The following ROBO2 variants were observed in gnomAD, a reference collection of about 807,000 sequenced individuals.
ROBO2 encodes the protein roundabout guidance receptor 2, also known as roundabout homolog 2.
Under a neutral mutation model 160.8 loss-of-function variants are expected in ROBO2, and 53 were observed. The ratio of observed to expected loss-of-function variants is 0.33; its 90% CI spans 0.26 to 0.41. The LOEUF (loss-of-function observed/expected upper bound fraction) is 0.41. Among genes scored for constraint, ROBO2 ranks in the 10% least tolerant of loss-of-function variants. ROBO2 has a pLI of 1.00. For missense variants in ROBO2, 1,577 were observed against 1,722.4 expected, an observed-to-expected ratio of 0.92 and a Z score of 1.49; for synonymous variants, 664 against 611.7, an observed-to-expected ratio of 1.09 and a Z score of -1.26.
At chr3:76,690,993 G>A (rs948904170) in intron 2 of ROBO2, among the ~76,000 whole-genome samples, 2 of 152,068 alleles carry the variant, frequency 1.3e-5, no homozygotes, top group African/African-American at 4.8e-5. Flanking sequence ...GCTAAGTTGG[G>A]AGGATCACTT....
chr3:76,475,094 A>G (rs965394656), intron 2 of ROBO2, among the ~76,000 whole-genome samples: 2 of 150,926 alleles, frequency 1.3e-5, no homozygotes, highest in Non-Finnish European at 2.9e-5. Flanking sequence ...TAGCTAGTTG[A>G]CCATGTAATA....
chr3:76,111,126 G>A (rs981143915), intron 2 of ROBO2, among the ~76,000 whole-genome samples: 2 of 152,086 alleles, frequency 1.3e-5, no homozygotes, highest in East Asian at 3.9e-4. Context: ...GATCATGCTG[G>A]AGAAGGAGGG....
chr3:76,362,290 G>A (rs950172623), intron 2 of ROBO2, among the ~76,000 whole-genome samples: 2 of 152,008 alleles, frequency 1.3e-5, no homozygotes, highest in Non-Finnish European at 2.9e-5. Context: ...CTTGGGTCTG[G>A]GATGTTGAGG....
At chr3:77,439,798 C>T (rs1267379548) in intron 2 of ROBO2, among the ~76,000 whole-genome samples, 1 of 152,060 alleles carries the variant, frequency 6.6e-6, no homozygotes, top group Non-Finnish European at 1.5e-5. Flanking sequence ...CTGTGTTCTT[C>T]TTTTCTAGAT....
chr3:76,995,231 A>T (rs2060926970), intron 2 of ROBO2, among the ~76,000 whole-genome samples: 1 of 151,786 alleles, frequency 6.6e-6, no homozygotes, highest in African/African-American at 2.4e-5. Flanking sequence ...TAGTTTGCTG[A>T]GAATGATGGT....
intron 2 of ROBO2, among the ~76,000 whole-genome samples, chr3:77,340,795 T>A (rs1388497750): frequency 6.6e-6 from 1 of 152,108 alleles, no homozygotes; most frequent in African/African-American, 2.4e-5. Context: ...TACCCAGGTA[T>A]AAGAAAGCAT....
intron 2 of ROBO2, among the ~76,000 whole-genome samples, chr3:77,251,432 C>A (rs72893283): frequency 0.022 from 3,314 of 152,238 alleles, 120 homozygotes; most frequent in African/African-American, 0.074. Context: ...TGTGGTCTTG[C>A]AGGCACCTCT....
rs569892776 is a variant in ROBO2 at position 77,207,201 on chromosome 3, A to G, written c.388+108861A>G. ...TCACTTACCACTTATCTGCTTCTCT[A>G]ATCGTCTCTCTTATAAGAGATCTAA... On this transcript the variant is annotated intron_variant, in intron 2 of 25. Coordinates refer to ENST00000461745, the Ensembl canonical transcript of ROBO2. Among the ~76,000 whole-genome samples the G allele has an allele frequency of 3.3e-5, 5 of 152,272 alleles. No individual in the cohort carries two copies. In the South Asian group the frequency reaches 1.0e-3, roughly 32 times the overall value.
chr3:76,495,533 C>T (rs2080100419), intron 2 of ROBO2, among the ~76,000 whole-genome samples: 1 of 151,980 alleles, frequency 6.6e-6, no homozygotes, highest in Non-Finnish European at 1.5e-5. Flanking sequence ...AATCTTTCTC[C>T]ATTCTAGTAT....
At chr3:77,099,637 A>G (rs750073098) in intron 2 of ROBO2, among the ~76,000 whole-genome samples, 10 of 152,198 alleles carry the variant, frequency 6.6e-5, no homozygotes, top group Non-Finnish European at 1.0e-4. Flanking sequence ...GCAAATATCC[A>G]TACCTGTTCC....
At chr3:77,328,632 A>G (rs1198986619) in intron 2 of ROBO2, among the ~76,000 whole-genome samples, 2 of 152,226 alleles carry the variant, frequency 1.3e-5, no homozygotes, top group Non-Finnish European at 2.9e-5. Context: ...TTAAAAATGT[A>G]AGAGAGCATC....
At chr3:77,605,699 A>G (rs1056215014) in intron 20 of ROBO2, among the ~76,000 whole-genome samples, 4 of 152,182 alleles carry the variant, frequency 2.6e-5, no homozygotes, top group African/African-American at 9.6e-5. Flanking sequence ...AAGCTGCTAC[A>G]TTCTGAATTC....
At chr3:77,012,944 T>C (rs1478162964) in intron 2 of ROBO2, among the ~76,000 whole-genome samples, 3 of 152,224 alleles carry the variant, frequency 2.0e-5, no homozygotes, top group Admixed American at 2.0e-4. Context: ...TACATTTCAC[T>C]GTATGATTTC....
At position 76,345,031 on chromosome 3, in the gene ROBO2, A is replaced by G. The variant is rs185141307; in HGVS notation, c.109+407429A>G. 1.6e-4 allele frequency among the ~76,000 whole-genome samples: 25 copies of G among 152,316 alleles called. No homozygotes were observed. In the East Asian group the frequency reaches 4.8e-3, roughly 29 times the overall value. On this transcript the variant is annotated intron_variant, in intron 2 of 26. Transcript: ENST00000487694. ...AGTTCAGATCTGTATAACTGTGAAG[A>G]TGGCATGCTCTTAACTCCTGAGCGC...
chr3:76,890,166 GT>G (rs749956811), intron 2 of ROBO2, among the ~76,000 whole-genome samples: 10 of 152,282 alleles, frequency 6.6e-5, no homozygotes, highest in Admixed American at 3.3e-4. Context: ...AAATATGATA[GT>G]GGGTTATTGA....
chr3:76,000,501 T>A (rs1459362975), intron 2 of ROBO2, among the ~76,000 whole-genome samples: 9 of 150,912 alleles, frequency 6.0e-5, no homozygotes, highest in African/African-American at 2.2e-4. Flanking sequence ...TTTTTTTTTT[T>A]TTTTTTTGAC....
intron 2 of ROBO2, among the ~76,000 whole-genome samples, chr3:77,159,371 T>G (rs997713508): frequency 6.6e-6 from 1 of 152,082 alleles, no homozygotes; most frequent in African/African-American, 2.4e-5. Context: ...ATTACTACAT[T>G]TTAGTGATGA....
At chr3:76,664,999 C>T (rs1424960314) in intron 2 of ROBO2, among the ~76,000 whole-genome samples, 2 of 151,998 alleles carry the variant, frequency 1.3e-5, no homozygotes, top group African/African-American at 4.8e-5. Context: ...TAAGAGGCAA[C>T]GTGTGAGATT....
chr3:76,654,013 A>G (rs2109930404), intron 2 of ROBO2, among the ~76,000 whole-genome samples: 1 of 152,322 alleles, frequency 6.6e-6, no homozygotes, highest in African/African-American at 2.4e-5. Context: ...CTGCTTAAGT[A>G]CTGATGGAAG....
Sources: gnomAD v4.1 joint callset for allele counts (sites outside exome capture counted in the v4.1 genomes callset) on GRCh38, gnomAD v4.1.1 for gene constraint, MANE v1.5 for transcripts, NCBI Gene and HGNC (gene_info 2026-07-23, HGNC 2026-07-21) for gene names.